PTGER2: variants seen among roughly 807,000 people sequenced by gnomAD.
PTGER2 encodes prostaglandin E receptor 2.
A neutral mutation model predicts 26.2 loss-of-function variants in PTGER2; 22 were observed. The ratio of observed to expected loss-of-function variants is 0.84; its 90% CI spans 0.60 to 1.20. The LOEUF is 1.20. PTGER2 is among the 50% of genes most tolerant of loss of function. The pLI is 0.00. For synonymous variants in PTGER2, 219 were observed against 208.9 expected (o/e 1.05, Z -0.42); for missense variants, 458 against 475.2 (o/e 0.96, Z 0.34).
intron 1 of PTGER2, among the ~76,000 whole-genome samples, chr14:52,319,710 C>G (rs1339641272): frequency 1.3e-5 from 2 of 152,180 alleles, no homozygotes; most frequent in Non-Finnish European, 2.9e-5. Flanking sequence ...TTTCTCGCCA[C>G]TTTTCTAATT....
rs889589599 is a variant in PTGER2, at chr14:52,314,949, G to C, written c.401G>C (p.Arg134Pro). ...MLMLFAMALE[R>P]YLSIGHPYFY... ...ATGCTCTTCGCCATGGCCCTGGAGC[G>C]CTACCTCTCGATCGGGCACCCCTAC... Residue 134 changes from arginine (R) to proline (P), a missense_variant, in exon 1 of 2, where the codon CGC becomes CCC. Arg to Pro is a moderately radical substitution (Grantham distance 103). Transcript: ENST00000245457. This position sits in a 1 kb window ranked among gnomAD's most constrained non-coding sequence, Gnocchi z 5.7. 3 of 1,612,972 alleles carry C rather than the reference G, an allele frequency of 1.9e-6. No individual in the cohort carries two copies. Among genetic ancestry groups the C allele is most frequent in the Non-Finnish European group, 8.5e-7 (1 of 1,179,898 alleles).
intron 1 of PTGER2, among the ~76,000 whole-genome samples, chr14:52,319,496 A>G (rs903102893): frequency 2.0e-5 from 3 of 152,248 alleles, no homozygotes; most frequent in African/African-American, 4.8e-5. Context: ...TGGAACCAAC[A>G]ACATATTCCA....
intron 1 of PTGER2, among the ~76,000 whole-genome samples, chr14:52,322,688 C>T (rs1372084977): frequency 6.6e-6 from 1 of 152,104 alleles, no homozygotes; most frequent in Admixed American, 6.6e-5. Flanking sequence ...CAGACACTCC[C>T]AGAGCGGCCG....
intron 1 of PTGER2, among the ~76,000 whole-genome samples, chr14:52,316,377 GT>G (rs903774713): frequency 6.6e-6 from 1 of 152,168 alleles, no homozygotes; most frequent in Admixed American, 6.5e-5. Flanking sequence ...CAAGTGTAAC[GT>G]TTTAGCTGAG....
chr14:52,316,755 C>T (rs2033845096), intron 1 of PTGER2, among the ~76,000 whole-genome samples: 1 of 152,160 alleles, frequency 6.6e-6, no homozygotes, highest in South Asian at 2.1e-4. Context: ...CTCCCTGGTC[C>T]CCACTGTCCT....
intron 1 of PTGER2, 32 bp from the exon 2 acceptor site, chr14:52,327,189 C>A: frequency 6.8e-7 from 1 of 1,464,350 alleles, no homozygotes; most frequent in South Asian, 1.2e-5. Flanking sequence ...CGATGTAAAA[C>A]TAACATCATT....
chr14:52,321,627 G>A (rs1455188676), intron 1 of PTGER2, among the ~76,000 whole-genome samples: 1 of 152,186 alleles, frequency 6.6e-6, no homozygotes, highest in African/African-American at 2.4e-5. Context: ...CATGGATTCA[G>A]TTTGACTCCA....
At chr14:52,321,985 G>A (rs1458485464) in intron 1 of PTGER2, among the ~76,000 whole-genome samples, 4 of 152,068 alleles carry the variant, frequency 2.6e-5, no homozygotes, top group Non-Finnish European at 5.9e-5. Context: ...TTTAGATAAG[G>A]TTCTAAAGGG....
In PTGER2 at chr14:52,314,381, G is replaced by A. The variant is rs954123431; in HGVS notation, c.-168G>A. On this transcript the variant is annotated 5_prime_UTR_variant, in exon 1 of 2. Coordinates refer to ENST00000245457, the MANE Select transcript of PTGER2 (RefSeq NM_000956.4). The surrounding 1 kb of genome is among the most constrained non-coding windows in gnomAD (Gnocchi z 5.7). ...CGAGCCGCCACTCGGCGCGCGGCGG[G>A]AGACCCAGGGCAAGCCGCCGTCGGC... 1.3e-6 allele frequency: 1 copy of A among 767,400 alleles called. No individual in the cohort carries two copies. The highest frequency in any genetic ancestry group is 1.8e-6 in the Non-Finnish European group (1 of 562,794). 47.5% of individuals were successfully genotyped at this position (767,400 alleles called of 1,614,324 possible). A position where few individuals can be genotyped will look rare whatever the true frequency, so the allele number is the denominator to read the frequency against.
rs2033958208 is a variant in PTGER2 at position 52,327,109 on chromosome 14, C to T, written c.844-112C>T. On this transcript the variant is annotated intron_variant, in intron 1 of 1. Coordinates refer to ENST00000245457, the MANE Select transcript of PTGER2 (RefSeq NM_000956.4). ...CCCCACCTTTCGTTCCCCACCACTA[C>T]CACAGACAAAACATGGTTTTGCTTT... 1.7e-5 allele frequency: 13 copies of T among 766,310 alleles called. No homozygotes were observed. In the East Asian group the frequency reaches 3.2e-4, roughly 19 times the overall value. The allele number at this position is 766,310 out of a possible 1,614,324, so 47.5% of individuals were successfully genotyped here.
intron 1 of PTGER2, among the ~76,000 whole-genome samples, chr14:52,323,066 C>T (rs914016943): frequency 5.3e-5 from 8 of 152,094 alleles, no homozygotes; most frequent in Non-Finnish European, 7.4e-5. Context: ...GTAAGACAGG[C>T]GTAAGAAATT....
Position 52,314,827 on chromosome 14 carries a change from C to G in PTGER2, c.279C>G (p.Tyr93Ter), listed in dbSNP as rs758050760. Residue 93 changes from tyrosine to a stop codon, truncating the protein, a stop_gained, in exon 1 of 2, where the codon TAC becomes TAG. Transcript: ENST00000245457. LOFTEE classifies it high-confidence loss of function. This position sits in a 1 kb window ranked among gnomAD's most constrained non-coding sequence, Gnocchi z 5.7. The part of the protein sequence containing the change: ...CLISPVVLAS[Y>*]ARNQTLVALA... ...TCAGCCCAGTGGTACTGGCTTCGTA[C>G]GCGCGGAACCAGACCCTGGTGGCAC... is the stretch of plus-strand genomic sequence containing the variant. 6.2e-7 allele frequency: 1 copy of G among 1,613,096 alleles called. No individual in the cohort carries two copies. Among genetic ancestry groups the G allele is most frequent in the Non-Finnish European group, 8.5e-7 (1 of 1,179,966 alleles).
At chr14:52,326,263 T>C (rs1027620570) in intron 1 of PTGER2, among the ~76,000 whole-genome samples, 3 of 152,232 alleles carry the variant, frequency 2.0e-5, no homozygotes, top group Non-Finnish European at 4.4e-5. Flanking sequence ...AATACAGGCC[T>C]GCACGTAGCA....
chr14:52,325,823 A>G (rs909326614), intron 1 of PTGER2, among the ~76,000 whole-genome samples: 1 of 152,200 alleles, frequency 6.6e-6, no homozygotes, highest in African/African-American at 2.4e-5. Flanking sequence ...TCTTGTCCCA[A>G]CATAAGCAAA....
In PTGER2 at chr14:52,316,768, C is replaced by T. The variant is rs575545567; in HGVS notation, c.843+1377C>T. ...TTCTCCCTGGTCCCCACTGTCCTCA[C>T]CCTTCTACCCCATCCTCTGTCAGGG... On this transcript the variant is annotated intron_variant, in intron 1 of 1. Coordinates refer to ENST00000245457, the MANE Select transcript of PTGER2 (RefSeq NM_000956.4). Among the ~76,000 whole-genome samples the T allele has an allele frequency of 5.9e-5, 9 of 152,314 alleles. No individual in the cohort carries two copies. In the East Asian group the frequency reaches 1.7e-3, roughly 29 times the overall value.
chr14:52,317,411 G>A (rs2033851938), intron 1 of PTGER2, among the ~76,000 whole-genome samples: 1 of 152,148 alleles, frequency 6.6e-6, no homozygotes, highest in African/African-American at 2.4e-5. Flanking sequence ...ATGTAAATTG[G>A]CCTTTTACCA....
rs1195803983 is a variant in PTGER2 at position 52,319,233 on chromosome 14, C to A, written c.843+3842C>A. Among the ~76,000 whole-genome samples the A allele has an allele frequency of 2.6e-5, 4 of 152,318 alleles. No individual in the cohort carries two copies. The East Asian group carries it at 7.7e-4, about 29-fold the overall frequency. On this transcript the variant is annotated intron_variant, in intron 1 of 1. Transcript: ENST00000245457. ...ATGGCAAAGACCTTTTTCTTCATGT[C>A]AGCTCAAGGGAGCTGAGCCAGGGCC...
intron 1 of PTGER2, among the ~76,000 whole-genome samples, chr14:52,320,701 C>T (rs941791855): frequency 6.6e-6 from 1 of 152,074 alleles, no homozygotes; most frequent in Non-Finnish European, 1.5e-5. Flanking sequence ...TCCATTGTAC[C>T]TCAGTTTATA....
At chr14:52,315,551 C>T (rs1201132377) in intron 1 of PTGER2, among the ~76,000 whole-genome samples, 160 bp downstream of exon 1, 1 of 152,190 alleles carries the variant, frequency 6.6e-6, no homozygotes, top group East Asian at 1.9e-4. Context: ...AGTTTCCCCT[C>T]CTCTTTAGCC....
Sources: gnomAD v4.1 joint callset for allele counts (sites outside exome capture counted in the v4.1 genomes callset) on GRCh38, gnomAD v4.1.1 for gene constraint, Gnocchi (gnomAD v3.1) non-coding constraint, MANE v1.5 for transcripts, NCBI Gene and HGNC (gene_info 2026-07-23, HGNC 2026-07-21) for gene names.